The following DLGAP2 variants were observed in gnomAD, a reference collection of about 807,000 sequenced individuals.
DLGAP2 encodes DLG associated protein 2.
DLGAP2 carries 26 observed loss-of-function variants against 100.3 expected under a neutral mutation model. The observed-to-expected ratio is 0.26, with a 90% CI of 0.19 to 0.36. The LOEUF is 0.36. DLGAP2 is among the 10% of genes least tolerant of loss of function. The pLI is 1.00. For synonymous variants in DLGAP2, 886 were observed against 630.1 expected (o/e 1.41, Z -6.08); for missense variants, 1,858 against 1,453.2 (o/e 1.28, Z -4.53).
intron 2 of DLGAP2, among the ~76,000 whole-genome samples, chr8:1,031,943 G>T (rs1801986064): frequency 6.6e-6 from 1 of 152,220 alleles, no homozygotes; most frequent in South Asian, 2.1e-4. Flanking sequence ...AAGCGAGTCT[G>T]TCTGGGGATG....
At chr8:1,262,157 A>G (rs1183394382) in intron 3 of DLGAP2, among the ~76,000 whole-genome samples, 1 of 152,236 alleles carries the variant, frequency 6.6e-6, no homozygotes, top group Non-Finnish European at 1.5e-5. Flanking sequence ...CTGTCAAACA[A>G]ACGCAACCAG....
At chr8:1,058,566 C>T (rs1434033366) in intron 2 of DLGAP2, among the ~76,000 whole-genome samples, 2 of 152,182 alleles carry the variant, frequency 1.3e-5, no homozygotes, top group African/African-American at 2.4e-5. Flanking sequence ...ACTGTGTTGG[C>T]AAAGAGGAGA....
intron 2 of DLGAP2, among the ~76,000 whole-genome samples, chr8:1,054,521 T>G (rs1365397003): frequency 2.0e-5 from 3 of 152,238 alleles, no homozygotes; most frequent in Admixed American, 6.5e-5. Flanking sequence ...TACTGTATAT[T>G]AGAATATATG....
intron 2 of DLGAP2, among the ~76,000 whole-genome samples, chr8:1,197,941 A>T (rs998721907): frequency 2.0e-5 from 3 of 152,118 alleles, no homozygotes; most frequent in Non-Finnish European, 4.4e-5. Context: ...ACTGGCCCAC[A>T]TGTGCATCTG....
At chr8:983,930 G>A (rs1800414518) in intron 2 of DLGAP2, among the ~76,000 whole-genome samples, 1 of 152,190 alleles carries the variant, frequency 6.6e-6, no homozygotes, top group Non-Finnish European at 1.5e-5. Context: ...GTGAGCCACT[G>A]TGCCTGACTG....
chr8:1,465,982 G>C (rs777518515), intron 3 of DLGAP2, among the ~76,000 whole-genome samples: 1 of 152,208 alleles, frequency 6.6e-6, no homozygotes, highest in Non-Finnish European at 1.5e-5. Context: ...GTCAGAGAGA[G>C]ACTCCCAACG....
chr8:1,228,710 G>T (rs942870113), intron 2 of DLGAP2, among the ~76,000 whole-genome samples: 5 of 152,182 alleles, frequency 3.3e-5, no homozygotes, highest in African/African-American at 7.2e-5. Context: ...AATAGGTGCA[G>T]AAGAAGTATT....
At chr8:1,274,183 TTATG>T (rs1224814300) in intron 3 of DLGAP2, among the ~76,000 whole-genome samples, 2 of 151,816 alleles carry the variant, frequency 1.3e-5, no homozygotes, top group African/African-American at 4.8e-5. Context: ...TTAAAATAAA[TTATG>T]TATTTATATT....
rs900388388 is a variant in DLGAP2, at chr8:1,705,991, C to T, written c.*4585C>T. On this transcript the variant is annotated 3_prime_UTR_variant, in exon 15 of 15. Coordinates refer to ENST00000637795, the MANE Select transcript of DLGAP2 (RefSeq NM_001346810.2). ...ATTCAGGGCCATGTGGCAGCCATGA[C>T]ACACACCACATAAGGTCAGCTCAGA... The T allele has an allele frequency of 2.0e-5, 3 of 152,206 alleles. No homozygotes were observed. Among genetic ancestry groups the T allele is most frequent in the Non-Finnish European group, 4.4e-5 (3 of 68,068 alleles). The allele number at this position is 152,206 out of a possible 1,614,324, so 9.4% of individuals were successfully genotyped here. A position where few individuals can be genotyped will look rare whatever the true frequency, so the allele number is the denominator to read the frequency against.
intron 2 of DLGAP2, among the ~76,000 whole-genome samples, chr8:921,889 C>T (rs1289570436): frequency 2.6e-5 from 4 of 152,294 alleles, no homozygotes; most frequent in African/African-American, 4.8e-5. Flanking sequence ...TTCCAGTGGA[C>T]GGCGAGACGT....
intron 4 of DLGAP2, among the ~76,000 whole-genome samples, chr8:1,518,721 G>C (rs1371175662): frequency 6.6e-6 from 1 of 152,098 alleles, no homozygotes; most frequent in Admixed American, 6.5e-5. Context: ...TTTTTCTCAG[G>C]CTCCAAATAT....
intron 13 of DLGAP2, among the ~76,000 whole-genome samples, chr8:1,696,536 C>G (rs1163360775): frequency 6.6e-6 from 1 of 152,180 alleles, no homozygotes; most frequent in African/African-American, 2.4e-5. Flanking sequence ...TGGTGGAAAT[C>G]ATGTATCTGT....
chr8:1,653,385 C>G (rs547329116), intron 8 of DLGAP2, among the ~76,000 whole-genome samples: 11 of 152,330 alleles, frequency 7.2e-5, no homozygotes, highest in Admixed American at 7.2e-4. Flanking sequence ...GTGGCGGGGC[C>G]AGAACCGAGC....
intron 1 of DLGAP2, among the ~76,000 whole-genome samples, chr8:759,239 C>CCT (rs1563415707): frequency 3.4e-5 from 5 of 145,412 alleles, no homozygotes; most frequent in African/African-American, 1.3e-4. Context: ...TATCAATACC[C>CCT]GCAACAGCCT....
At chr8:1,420,283 T>A (rs564076577) in intron 3 of DLGAP2, among the ~76,000 whole-genome samples, 3 of 152,258 alleles carry the variant, frequency 2.0e-5, no homozygotes, top group African/African-American at 7.2e-5. Flanking sequence ...CCTTTCAACC[T>A]TTATTGCCCT....
At chr8:1,206,235 G>T (rs1471043354) in intron 2 of DLGAP2, among the ~76,000 whole-genome samples, 6 of 152,198 alleles carry the variant, frequency 3.9e-5, no homozygotes, top group African/African-American at 1.4e-4. Flanking sequence ...CAGTCTCTTG[G>T]CCACGCACCA....
chr8:814,191 G>A (rs920394640), intron 1 of DLGAP2, among the ~76,000 whole-genome samples: 1 of 152,208 alleles, frequency 6.6e-6, no homozygotes, highest in African/African-American at 2.4e-5. Flanking sequence ...AATAGAGGCA[G>A]TGAAAAGTAG....
intron 4 of DLGAP2, among the ~76,000 whole-genome samples, chr8:1,537,983 C>T (rs974239366): frequency 2.6e-5 from 4 of 152,022 alleles, no homozygotes; most frequent in South Asian, 2.1e-4. Context: ...GAAGATACTG[C>T]GGGGGGAACA....
At chr8:1,596,644 T>C (rs955982477) in intron 6 of DLGAP2, among the ~76,000 whole-genome samples, 1 of 152,240 alleles carries the variant, frequency 6.6e-6, no homozygotes, top group African/African-American at 2.4e-5. Flanking sequence ...CTTTTTTTCA[T>C]ATGTTTGTTG....
Sources: gnomAD v4.1 joint callset for allele counts (sites outside exome capture counted in the v4.1 genomes callset) on GRCh38, gnomAD v4.1.1 for gene constraint, MANE v1.5 for transcripts, NCBI Gene and HGNC (gene_info 2026-07-23, HGNC 2026-07-21) for gene names.